Variants in PPP3R1 observed in about 807,000 individuals in gnomAD.
PPP3R1 encodes calcineurin subunit B type 1.
Under a neutral mutation model 22.6 loss-of-function variants are expected in PPP3R1, and 5 were observed. The ratio of observed to expected loss-of-function variants is 0.22; its 90% CI spans 0.12 to 0.46. PPP3R1 has a LOEUF of 0.46. Ranked by LOEUF, PPP3R1 falls within the 20% of genes least tolerant of loss-of-function variation. PPP3R1 has a pLI of 0.99. For missense variants in PPP3R1, 61 were observed against 203.2 expected (o/e 0.30, Z 4.25); for synonymous variants, 56 against 65.2 (o/e 0.86, Z 0.68).
intron 2 of PPP3R1, among the ~76,000 whole-genome samples, chr2:68,197,664 G>A (rs1674815677): frequency 2.0e-5 from 3 of 151,090 alleles, no homozygotes; most frequent in African/African-American, 7.3e-5. Flanking sequence ...AGTGAATTGT[G>A]CTTTTAAAAA....
At position 68,252,291 on chromosome 2, in the gene PPP3R1, C is replaced by T. The variant is rs868717306; in HGVS notation, c.-164G>A. On this transcript the variant is annotated 5_prime_UTR_variant, in exon 1 of 6. Coordinates refer to ENST00000234310, the MANE Select transcript of PPP3R1 (RefSeq NM_000945.4). ...GGAGGCGGCGCCGCGGGGCCCGCGC[C>T]GGCCGGGCGATTGGGCACGCGAGGG... is the stretch of plus-strand genomic sequence containing the variant. The T allele has an allele frequency of 2.7e-5, 28 of 1,030,582 alleles. No homozygotes were observed. The highest frequency in any genetic ancestry group is 4.4e-5 in the South Asian group (1 of 22,504). 63.8% of individuals were successfully genotyped at this position (1,030,582 alleles called of 1,614,324 possible). A position where few individuals can be genotyped will look rare whatever the true frequency, so the allele number is the denominator to read the frequency against.
intron 1 of PPP3R1, among the ~76,000 whole-genome samples, chr2:68,241,775 T>C (rs759175093): frequency 6.9e-6 from 1 of 144,968 alleles, no homozygotes; most frequent in East Asian, 2.0e-4. Flanking sequence ...ACATGGAAGG[T>C]GGAGGTTGCA....
At chr2:68,191,114 G>A (rs1674657650) in intron 2 of PPP3R1, among the ~76,000 whole-genome samples, 2 of 152,104 alleles carry the variant, frequency 1.3e-5, no homozygotes, top group African/African-American at 4.8e-5. Flanking sequence ...TGTAAATACT[G>A]CTGCAAACAC....
Position 68,188,477 on chromosome 2 carries a change from G to C in PPP3R1, c.220+37C>G, listed in dbSNP as rs75687214. ...GAGCTGTAAGAATACAAATAGGTTA[G>C]ATAACTTGTGGTTATAAAAAATAAC... is the stretch of plus-strand genomic sequence containing the variant. On this transcript the variant is annotated intron_variant, in intron 3 of 5. Transcript: ENST00000234310. 389 of 1,460,354 alleles carry C rather than the reference G, an allele frequency of 2.7e-4. 1 individual carries two copies. The African/African-American group carries it at 5.3e-3, about 20-fold the overall frequency. The allele number at this position is 1,460,354 out of a possible 1,614,324, so 90.5% of individuals were successfully genotyped here. A position where few individuals can be genotyped will look rare whatever the true frequency, so the allele number is the denominator to read the frequency against.
intron 2 of PPP3R1, among the ~76,000 whole-genome samples, chr2:68,205,093 C>T (rs1486239500): frequency 2.0e-5 from 3 of 151,922 alleles, no homozygotes; most frequent in African/African-American, 7.3e-5. Flanking sequence ...CAAACACACA[C>T]AAAGTTTGAA....
At chr2:68,212,544 G>A (rs1301348529) in intron 2 of PPP3R1, among the ~76,000 whole-genome samples, 1 of 152,208 alleles carries the variant, frequency 6.6e-6, no homozygotes. Flanking sequence ...TAGCAGGCAT[G>A]AAAACGTTAC....
At chr2:68,221,295 A>T (rs1318724208) in intron 1 of PPP3R1, among the ~76,000 whole-genome samples, 2 of 151,176 alleles carry the variant, frequency 1.3e-5, no homozygotes, top group African/African-American at 4.9e-5. Context: ...GCACCACTGC[A>T]CTCCAGCCTG....
chr2:68,187,080 C>G lies in PPP3R1; in HGVS notation c.280+175G>C, dbSNP rs139627866. On this transcript the variant is annotated intron_variant, in intron 4 of 5. Coordinates refer to ENST00000234310, the MANE Select transcript of PPP3R1 (RefSeq NM_000945.4). ...CTAAAAGCAGCAATGACACATTATT[C>G]AAATATAGTAGTTGGAAATGTCCTA... Among the ~76,000 whole-genome samples the G allele has an allele frequency of 2.6e-3, 403 of 152,288 alleles. 1 individual carries two copies. Among genetic ancestry groups the G allele is most frequent in the African/African-American group, 9.3e-3 (388 of 41,544 alleles).
intron 1 of PPP3R1, among the ~76,000 whole-genome samples, chr2:68,227,341 G>A (rs1197015055): frequency 6.6e-6 from 1 of 152,012 alleles, no homozygotes; most frequent in Admixed American, 6.6e-5. Flanking sequence ...TTTACCTGCT[G>A]AAAGCTTGAT....
chr2:68,215,681 GTAATA>G (rs1669565661), intron 2 of PPP3R1, among the ~76,000 whole-genome samples: 1 of 152,088 alleles, frequency 6.6e-6, no homozygotes, highest in African/African-American at 2.4e-5. Context: ...AATACCTTTG[GTAATA>G]TAACATGAAA....
chr2:68,245,061 T>C (rs147958953), intron 1 of PPP3R1, among the ~76,000 whole-genome samples: 6 of 152,360 alleles, frequency 3.9e-5, no homozygotes, highest in African/African-American at 9.6e-5. Flanking sequence ...CAATCAGCTA[T>C]TACCCTGACT....
intron 1 of PPP3R1, among the ~76,000 whole-genome samples, chr2:68,224,716 G>GT (rs1669751546): frequency 6.6e-6 from 1 of 151,684 alleles, no homozygotes; most frequent in Non-Finnish European, 1.5e-5. Context: ...TGGTACTGGT[G>GT]TAAGAACAGA....
chr2:68,242,304 G>A (rs939627638), intron 1 of PPP3R1, among the ~76,000 whole-genome samples: 9 of 151,894 alleles, frequency 5.9e-5, no homozygotes, highest in East Asian at 1.9e-4. Context: ...GTGCGCACCC[G>A]CAATCACAGC....
intron 1 of PPP3R1, among the ~76,000 whole-genome samples, chr2:68,239,718 A>T (rs1315931758): frequency 6.6e-6 from 1 of 152,222 alleles, no homozygotes; most frequent in Admixed American, 6.5e-5. Flanking sequence ...AGAAATATTT[A>T]ATGAATTTCT....
chr2:68,199,241 C>A (rs142807390), intron 2 of PPP3R1, among the ~76,000 whole-genome samples: 1 of 152,138 alleles, frequency 6.6e-6, no homozygotes, highest in Non-Finnish European at 1.5e-5. Flanking sequence ...GGATTACAGG[C>A]GTGAGCCACC....
At chr2:68,245,729 C>T (rs1393606739) in intron 1 of PPP3R1, among the ~76,000 whole-genome samples, 1 of 152,132 alleles carries the variant, frequency 6.6e-6, no homozygotes. Flanking sequence ...TAGTTTCCAC[C>T]CTTTCCAAGT....
chr2:68,239,650 A>C (rs1670082071), intron 1 of PPP3R1, among the ~76,000 whole-genome samples: 1 of 152,214 alleles, frequency 6.6e-6, no homozygotes, highest in South Asian at 2.1e-4. Flanking sequence ...TCAGTACACA[A>C]GAAATAGATG....
At chr2:68,185,988 AAGG>A (rs1288214380) in intron 5 of PPP3R1, among the ~76,000 whole-genome samples, 1 of 151,688 alleles carries the variant, frequency 6.6e-6, no homozygotes, top group Admixed American at 6.6e-5. Flanking sequence ...TAAAAATAAA[AAGG>A]AGGAAGAAAA....
intron 2 of PPP3R1, among the ~76,000 whole-genome samples, chr2:68,191,258 C>A (rs1225141707): frequency 2.0e-5 from 3 of 152,102 alleles, no homozygotes; most frequent in Non-Finnish European, 2.9e-5. Context: ...TACTACACAC[C>A]CAGGCTATAT....
Sources: allele counts gnomAD v4.1 joint callset (sites outside exome capture counted in the v4.1 genomes callset), GRCh38; gene constraint gnomAD v4.1.1; transcripts MANE v1.5; gene names NCBI Gene and HGNC (gene_info 2026-07-23, HGNC 2026-07-21).